RACGAP1: variants seen among roughly 807,000 people sequenced by gnomAD.
RACGAP1 encodes Rac GTPase activating protein 1, also known as rac GTPase-activating protein 1.
RACGAP1 carries 30 observed loss-of-function variants against 78.1 expected under a neutral mutation model. The observed-to-expected ratio is 0.38, with a 90% CI of 0.29 to 0.52. RACGAP1 has a LOEUF of 0.52. Among genes scored for constraint, RACGAP1 ranks in the 20% least tolerant of loss-of-function variants. The pLI is 0.82. For missense variants in RACGAP1, 587 were observed against 777.1 expected, an observed-to-expected ratio of 0.76 and a Z score of 2.91; for synonymous variants, 231 against 264.8, an observed-to-expected ratio of 0.87 and a Z score of 1.24.
intron 2 of RACGAP1, among the ~76,000 whole-genome samples, chr12:50,014,365 T>C (rs1459218051): frequency 6.6e-6 from 1 of 152,200 alleles, no homozygotes; most frequent in Non-Finnish European, 1.5e-5. Flanking sequence ...GTTCCTTTCT[T>C]AGCACCTCCT....
intron 1 of RACGAP1, among the ~76,000 whole-genome samples, chr12:50,020,457 T>A (rs1390586954): frequency 6.6e-6 from 1 of 152,144 alleles, no homozygotes; most frequent in Non-Finnish European, 1.5e-5. Flanking sequence ...GTGCTGGGAT[T>A]ACAGGCGTGA....
At chr12:49,999,546 T>G in intron 8 of RACGAP1, 70 bp downstream of exon 8, 2 of 1,384,332 alleles carry the variant, frequency 1.4e-6, no homozygotes, top group Non-Finnish European at 2.1e-6. Flanking sequence ...CAGAGGGTTC[T>G]AAGAAACCAA....
chr12:50,028,614 C>T (rs985154761), upstream of RACGAP1, among the ~76,000 whole-genome samples: 27 of 150,888 alleles, frequency 1.8e-4, no homozygotes, highest in African/African-American at 6.3e-4. Context: ...ACTAAAAATG[C>T]GAAAAAAATT....
intron 3 of RACGAP1, among the ~76,000 whole-genome samples, chr12:50,005,964 G>C (rs986559810): frequency 6.6e-6 from 1 of 152,212 alleles, no homozygotes; most frequent in African/African-American, 2.4e-5. Context: ...TGCTCAACTG[G>C]TTGAATACAT....
intron 1 of RACGAP1, among the ~76,000 whole-genome samples, chr12:50,024,001 A>G (rs1182129693): frequency 1.3e-5 from 2 of 152,094 alleles, no homozygotes; most frequent in African/African-American, 4.8e-5. Flanking sequence ...CTCTACTAAA[A>G]ATACAAAAAA....
At chr12:50,018,671 C>T (rs1949818972) in intron 1 of RACGAP1, 1 of 743,320 alleles carries the variant, frequency 1.3e-6, no homozygotes, top group South Asian at 1.6e-5. Flanking sequence ...ACTTATATAT[C>T]GTGAGACTAT....
chr12:50,027,622 T>G (rs1322662010), upstream of RACGAP1, among the ~76,000 whole-genome samples: 1 of 152,046 alleles, frequency 6.6e-6, no homozygotes, highest in Admixed American at 6.6e-5. Flanking sequence ...GGTCAGGAGT[T>G]CGAGACCAGC....
intron 16 of RACGAP1, 74 bp downstream of exon 16, chr12:49,990,610 A>C: frequency 7.2e-6 from 9 of 1,248,968 alleles, no homozygotes; most frequent in Admixed American, 2.1e-5. Context: ...TTTTTCTTTC[A>C]ATAAGCTTCA....
chr12:49,990,588 A>C (rs1947770174), intron 16 of RACGAP1, 96 bp downstream of exon 16: 1 of 1,028,872 alleles, frequency 9.7e-7, no homozygotes, highest in Non-Finnish European at 1.5e-6. Context: ...TGCTAGCTAA[A>C]ATCGAATGCA....
intron 2 of RACGAP1, among the ~76,000 whole-genome samples, chr12:50,030,780 T>TTG (rs113580644): frequency 0.081 from 12,270 of 150,772 alleles, 1,297 homozygotes; most frequent in African/African-American, 0.25. Flanking sequence ...TTTATGTCTT[T>TTG]TGTGTGTGTG....
At chr12:50,033,435 C>G (rs976629838), upstream of RACGAP1, among the ~76,000 whole-genome samples, 1 of 151,940 alleles carries the variant, frequency 6.6e-6, no homozygotes, top group Non-Finnish European at 1.5e-5. Context: ...GAATAGGACC[C>G]CAACAGGGAG....
In RACGAP1 at chr12:49,994,522, A is replaced by C. The variant is rs577648423; in HGVS notation, c.1045-13T>G. On this transcript the variant is annotated splice_polypyrimidine_tract_variant and intron_variant, in intron 10 of 16. Transcript: ENST00000312377. ...CTGCCAGCATTCCCTGGAAAAAAAA[A>C]AGAGCTTTAAATTATTATTTACGCC... 8.2e-5 allele frequency: 132 copies of C among 1,608,226 alleles called. 3 individuals are homozygous for C. The South Asian group carries it at 1.1e-3, about 14-fold the overall frequency.
At chr12:50,025,566 G>T (rs1226900529), upstream of RACGAP1, 2 of 982,556 alleles carry the variant, frequency 2.0e-6, no homozygotes, top group East Asian at 2.3e-4. Context: ...ACGCGTCAGG[G>T]CCACGCGGAG....
intron 10 of RACGAP1, among the ~76,000 whole-genome samples, chr12:49,994,951 T>TA (rs1948153595): frequency 1.3e-5 from 2 of 151,938 alleles, no homozygotes; most frequent in Non-Finnish European, 2.9e-5. Context: ...TTATTCTCAG[T>TA]AAAAAAAATT....
upstream of RACGAP1, among the ~76,000 whole-genome samples, chr12:50,026,729 G>A (rs551449931): frequency 1.3e-5 from 2 of 152,188 alleles, no homozygotes; most frequent in East Asian, 1.9e-4. Flanking sequence ...ACTCTGTCAC[G>A]CAGGCTGGAG....
At chr12:50,006,082 G>C (rs1361255834) in intron 3 of RACGAP1, among the ~76,000 whole-genome samples, 2 of 152,116 alleles carry the variant, frequency 1.3e-5, no homozygotes, top group East Asian at 1.9e-4. Context: ...TGGATATTCC[G>C]GGTAGCACTT....
At chr12:50,002,472 G>A (rs1948740686) in intron 5 of RACGAP1, among the ~76,000 whole-genome samples, 172 bp from the exon 6 acceptor site, 1 of 152,196 alleles carries the variant, frequency 6.6e-6, no homozygotes, top group Non-Finnish European at 1.5e-5. Flanking sequence ...TAGAGCTATA[G>A]TAAGTTAATG....
chr12:50,002,216 T>C (rs746738885), intron 6 of RACGAP1, 31 bp downstream of exon 6: 4 of 1,602,028 alleles, frequency 2.5e-6, no homozygotes, highest in Non-Finnish European at 3.4e-6. Flanking sequence ...ATTACTTTGT[T>C]TTAAAAAAAG....
chr12:50,003,102 T>C (rs986571104), intron 5 of RACGAP1, among the ~76,000 whole-genome samples: 2 of 152,080 alleles, frequency 1.3e-5, no homozygotes, highest in African/African-American at 4.8e-5. Context: ...GAACTATTTG[T>C]CTTTTATTGT....
Sources: gnomAD v4.1 joint callset for allele counts (sites outside exome capture counted in the v4.1 genomes callset) on GRCh38, gnomAD v4.1.1 for gene constraint, MANE v1.5 for transcripts, NCBI Gene and HGNC (gene_info 2026-07-23, HGNC 2026-07-21) for gene names.